Variants in ZNF385D observed in about 807,000 individuals in gnomAD.
ZNF385D encodes zinc finger protein 385D.
ZNF385D carries 15 observed loss-of-function variants against 35.8 expected under a neutral mutation model. The ratio of observed to expected loss-of-function variants is 0.42; its 90% CI spans 0.28 to 0.64. ZNF385D has a LOEUF of 0.64. ZNF385D is among the 30% of genes least tolerant of loss of function. The pLI is 0.23. For missense variants in ZNF385D, 474 were observed against 494.6 expected, an observed-to-expected ratio of 0.96 and a Z score of 0.39; for synonymous variants, 212 against 186.8, an observed-to-expected ratio of 1.13 and a Z score of -1.10.
intron 3 of ZNF385D, among the ~76,000 whole-genome samples, chr3:21,759,790 A>C (rs1000754001): frequency 6.6e-6 from 1 of 152,210 alleles, no homozygotes; most frequent in Non-Finnish European, 1.5e-5. Flanking sequence ...TTGCCTTTAA[A>C]AAAAGAGATT....
At chr3:22,187,765 C>G (rs939088078) in intron 2 of ZNF385D, among the ~76,000 whole-genome samples, 2 of 152,026 alleles carry the variant, frequency 1.3e-5, no homozygotes, top group African/African-American at 4.8e-5. Flanking sequence ...TGTGTAGAGT[C>G]GTATGTTTAT....
intron 2 of ZNF385D, among the ~76,000 whole-genome samples, chr3:22,331,678 C>T (rs561435398): frequency 4.6e-5 from 7 of 152,086 alleles, no homozygotes; most frequent in East Asian, 3.9e-4. Context: ...GAAATAAGGA[C>T]TAAATTTGTA....
chr3:22,021,557 A>G (rs1184311918), intron 3 of ZNF385D, among the ~76,000 whole-genome samples: 2 of 152,100 alleles, frequency 1.3e-5, no homozygotes, highest in Non-Finnish European at 2.9e-5. Flanking sequence ...GCTCAGCCTC[A>G]GTTTTCTTAT....
chr3:21,973,254 T>C (rs1444409014), intron 3 of ZNF385D, among the ~76,000 whole-genome samples: 1 of 151,970 alleles, frequency 6.6e-6, no homozygotes, highest in Non-Finnish European at 1.5e-5. Flanking sequence ...GATGCAAGAA[T>C]GGTTCAACAT....
rs192351293 is a variant in ZNF385D at position 21,778,111 on chromosome 3, C to A, written c.326-113083G>T. On this transcript the variant is annotated intron_variant, in intron 3 of 5. Coordinates refer to the ZNF385D transcript ENST00000494108. The stretch of plus-strand genomic sequence containing the variant: ...ATAATTCCCTTAGAAGTTTTAGCAA[C>A]TTACAACATACACACTCAATGCAAA... Among the ~76,000 whole-genome samples the A allele has an allele frequency of 3.3e-5, 5 of 152,016 alleles. No homozygotes were observed. The East Asian group carries it at 9.8e-4, about 30-fold the overall frequency.
At chr3:21,698,037 G>C (rs1167516737) in intron 1 of ZNF385D, among the ~76,000 whole-genome samples, 1 of 152,110 alleles carries the variant, frequency 6.6e-6, no homozygotes, top group Non-Finnish European at 1.5e-5. Flanking sequence ...AAACAGTATG[G>C]AGACTTCTCA....
At chr3:22,161,164 A>G (rs774256484) in intron 3 of ZNF385D, among the ~76,000 whole-genome samples, 13 of 152,064 alleles carry the variant, frequency 8.5e-5, no homozygotes, top group Non-Finnish European at 1.5e-4. Flanking sequence ...GCTTACCTAG[A>G]AATCTCAACT....
rs71044967 is a variant in ZNF385D, at chr3:22,030,256, C to CATATATATATATAT, written c.325+138547_325+138560dup. Among the ~76,000 whole-genome samples, 38 of 21,730 alleles carry CATATATATATATAT rather than the reference C, an allele frequency of 1.7e-3. 5 individuals are homozygous for CATATATATATATAT. The highest frequency in any genetic ancestry group is 2.7e-3 in the Admixed American group (3 of 1,102). 14.3% of individuals were successfully genotyped at this position (21,730 alleles called of 152,430 possible). ...CAAGTTAATACTTAATAAACTCATT[C>CATATATATATATAT]ATATATATATATATATATATATATA... On this transcript the variant is annotated intron_variant, in intron 3 of 5. Coordinates refer to the ZNF385D transcript ENST00000494108.
chr3:21,688,064 A>G (rs9863774), intron 1 of ZNF385D, among the ~76,000 whole-genome samples: 3,003 of 152,128 alleles, frequency 0.02, 106 homozygotes, highest in African/African-American at 0.068. Context: ...TTTTTTAAAC[A>G]TCATGGTAAC....
At chr3:21,645,047 T>C (rs2065710915) in intron 2 of ZNF385D, among the ~76,000 whole-genome samples, 1 of 152,160 alleles carries the variant, frequency 6.6e-6, no homozygotes. Flanking sequence ...GGATAATAAG[T>C]GTGCAATGAG....
intron 3 of ZNF385D, among the ~76,000 whole-genome samples, chr3:21,968,286 A>G (rs1329452063): frequency 2.0e-5 from 3 of 152,086 alleles, no homozygotes; most frequent in Non-Finnish European, 4.4e-5. Flanking sequence ...GCCCTCCACC[A>G]TGGGCTAAAG....
chr3:21,713,615 C>T (rs540742981), intron 1 of ZNF385D, among the ~76,000 whole-genome samples: 8 of 152,156 alleles, frequency 5.3e-5, no homozygotes, highest in African/African-American at 1.2e-4. Flanking sequence ...TATAGCACTT[C>T]GTTCCCTATC....
chr3:22,265,902 C>T (rs1215606024), intron 2 of ZNF385D, among the ~76,000 whole-genome samples: 7 of 151,886 alleles, frequency 4.6e-5, no homozygotes, highest in East Asian at 1.9e-4. Flanking sequence ...ATAACTAATA[C>T]GTAATTAAGT....
chr3:21,687,605 A>G (rs2067147794), intron 1 of ZNF385D, among the ~76,000 whole-genome samples: 1 of 152,122 alleles, frequency 6.6e-6, no homozygotes, highest in Non-Finnish European at 1.5e-5. Context: ...GTTTACATTA[A>G]GGTTTACATT....
chr3:22,167,409 G>A (rs1706406480), intron 3 of ZNF385D, among the ~76,000 whole-genome samples: 1 of 152,240 alleles, frequency 6.6e-6, no homozygotes, highest in Non-Finnish European at 1.5e-5. Flanking sequence ...GGGGGTGGAG[G>A]ACCACCCACG....
intron 3 of ZNF385D, among the ~76,000 whole-genome samples, chr3:21,905,891 A>G (rs1479756317): frequency 6.6e-6 from 1 of 152,194 alleles, no homozygotes; most frequent in African/African-American, 2.4e-5. Context: ...CTACAAATGA[A>G]AACTGTTAAT....
chr3:22,236,697 T>C (rs1699202581), intron 2 of ZNF385D, among the ~76,000 whole-genome samples: 1 of 152,170 alleles, frequency 6.6e-6, no homozygotes, highest in South Asian at 2.1e-4. Flanking sequence ...CCCATAATGA[T>C]TAGCAGTCAC....
rs149018341 is a variant in ZNF385D, at chr3:22,208,458, G to A, written c.107-39423C>T. Among the ~76,000 whole-genome samples the A allele has an allele frequency of 1.2e-3, 188 of 151,464 alleles. 1 individual carries two copies. The highest frequency in any genetic ancestry group is 4.3e-3 in the African/African-American group (178 of 41,470). ...GAGGCTGGCAAGTGTGGGGTGGGTA[G>A]ATGGGTGGGGGGTTAACCGAGTTGG... On this transcript the variant is annotated intron_variant, in intron 2 of 5. Transcript: ENST00000494108.
intron 1 of ZNF385D, among the ~76,000 whole-genome samples, chr3:21,670,528 C>G (rs1223817323): frequency 6.6e-6 from 1 of 151,366 alleles, no homozygotes; most frequent in Non-Finnish European, 1.5e-5. Flanking sequence ...GAGGGACTCA[C>G]TATAGGAATT....
Sources: gnomAD v4.1 joint callset for allele counts (sites outside exome capture counted in the v4.1 genomes callset) on GRCh38, gnomAD v4.1.1 for gene constraint, MANE v1.5 for transcripts, NCBI Gene and HGNC (gene_info 2026-07-23, HGNC 2026-07-21) for gene names.